The following FYB1 variants were observed in gnomAD, a reference collection of about 807,000 sequenced individuals.
FYB1 encodes the protein FYN binding protein 1.
A neutral mutation model predicts 94.1 loss-of-function variants in FYB1; 41 were observed. That is an observed-to-expected ratio of 0.44 (90% CI 0.34 to 0.57). The LOEUF (loss-of-function observed/expected upper bound fraction) is 0.57. FYB1 is among the 20% of genes least tolerant of loss of function. The pLI, the probability that FYB1 is intolerant of heterozygous loss-of-function variation, is 0.02. For synonymous variants in FYB1, 367 were observed against 353.2 expected (o/e 1.04, Z -0.44); for missense variants, 1,050 against 976.8 (o/e 1.07, Z -1.00).
At chr5:39,139,962 T>C (rs1178478445) in intron 4 of FYB1, 1 of 152,090 alleles carries the variant, frequency 6.6e-6, no homozygotes, top group Non-Finnish European at 1.5e-5. Flanking sequence ...GAAAACTGGC[T>C]CCATACATGA....
intron 2 of FYB1, among the ~76,000 whole-genome samples, chr5:39,166,049 A>G (rs1405269780): frequency 6.6e-6 from 1 of 152,242 alleles, no homozygotes; most frequent in African/African-American, 2.4e-5. Context: ...AAATTAGTAC[A>G]GCTTCTAGAG....
At chr5:39,268,095 A>G (rs1219536240) in intron 1 of FYB1, among the ~76,000 whole-genome samples, 1 of 152,214 alleles carries the variant, frequency 6.6e-6, no homozygotes. Context: ...AGTATATAAC[A>G]CTTATAAAAT....
At chr5:39,227,604 C>T (rs1407285346) in intron 1 of FYB1, among the ~76,000 whole-genome samples, 4 of 152,214 alleles carry the variant, frequency 2.6e-5, no homozygotes, top group Non-Finnish European at 5.9e-5. Context: ...AAAATATAAA[C>T]ACTAAAGTGA....
At chr5:39,225,941 C>A (rs1282557145) in intron 1 of FYB1, among the ~76,000 whole-genome samples, 2 of 150,696 alleles carry the variant, frequency 1.3e-5, no homozygotes, top group Non-Finnish European at 3.0e-5. Context: ...AAGTGTGCAC[C>A]AAGCCCACAG....
chr5:39,137,769 C>A lies in FYB1; in HGVS notation c.1395-49G>T, dbSNP rs116536682. 4.2e-4 allele frequency: 644 copies of A among 1,546,608 alleles called. 4 individuals are homozygous for A. In the African/African-American group the frequency reaches 8.4e-3, roughly 20 times the overall value. On this transcript the variant is annotated intron_variant, in intron 6 of 18. Transcript: ENST00000512982. ...GTTTTCACATCTGCAGGTGTTGATG[C>A]GTCGGAACTCCCTACCTAGAAGTTT...
At chr5:39,261,844 C>A (rs1413397279) in intron 1 of FYB1, among the ~76,000 whole-genome samples, 1 of 152,114 alleles carries the variant, frequency 6.6e-6, no homozygotes, top group East Asian at 1.9e-4. Context: ...GAAGCAGAGT[C>A]CCACAAAGAT....
rs550735879 is a variant in FYB1, at chr5:39,158,710, G to T, written c.1136-5106C>A. On this transcript the variant is annotated intron_variant, in intron 2 of 18. Transcript: ENST00000512982. ...ATGTTTGTGACTTTTGACTAAGAAG[G>T]TACCTAAAGTCTTCATGTCCCGAGG... Among the ~76,000 whole-genome samples, 304 of 152,220 alleles carry T rather than the reference G, an allele frequency of 2.0e-3. 1 individual carries two copies. The highest frequency in any genetic ancestry group is 6.8e-3 in the Middle Eastern group (2 of 294).
chr5:39,180,214 A>G (rs974021131), intron 2 of FYB1, among the ~76,000 whole-genome samples: 80 of 152,314 alleles, frequency 5.3e-4, no homozygotes, highest in Middle Eastern at 3.4e-3. Flanking sequence ...TAATATTTCT[A>G]TAATTTCCTT....
chr5:39,166,918 T>C (rs11960491), intron 2 of FYB1, among the ~76,000 whole-genome samples: 5,209 of 151,752 alleles, frequency 0.034, 301 homozygotes, highest in African/African-American at 0.12. Context: ...ACGGTATCCA[T>C]GAAAAAAAAC....
intron 3 of FYB1, among the ~76,000 whole-genome samples, chr5:39,145,720 G>T (rs1418714838): frequency 2.0e-5 from 3 of 151,828 alleles, no homozygotes; most frequent in Admixed American, 6.6e-5. Context: ...GATCAATCTT[G>T]CCCTGTAAAG....
At chr5:39,124,835 A>T (rs913831567) in intron 12 of FYB1, among the ~76,000 whole-genome samples, 3 of 151,862 alleles carry the variant, frequency 2.0e-5, no homozygotes, top group Admixed American at 6.6e-5. Flanking sequence ...AGTGCTCTGA[A>T]ATCAGAATTA....
chr5:39,153,392 T>G, intron 3 of FYB1, 56 bp downstream of exon 3: 1 of 1,592,684 alleles, frequency 6.3e-7, no homozygotes. Flanking sequence ...CAAGCACAGT[T>G]TGAAAATCTA....
At chr5:39,166,234 C>G (rs984995092) in intron 2 of FYB1, among the ~76,000 whole-genome samples, 1 of 152,162 alleles carries the variant, frequency 6.6e-6, no homozygotes, top group East Asian at 1.9e-4. Context: ...GTCAGGAGTT[C>G]AAGACCAGCC....
intron 1 of FYB1, among the ~76,000 whole-genome samples, chr5:39,259,620 A>T (rs1468639182): frequency 6.6e-6 from 1 of 152,250 alleles, no homozygotes; most frequent in East Asian, 1.9e-4. Context: ...AAAATCATCC[A>T]TGAAATATAC....
intron 1 of FYB1, among the ~76,000 whole-genome samples, chr5:39,270,258 A>G (rs1752619310): frequency 2.0e-5 from 3 of 152,182 alleles, no homozygotes; most frequent in Admixed American, 2.0e-4. Context: ...AAACTCGACT[A>G]AATTACTGGG....
At chr5:39,135,293 C>T (rs532800387) in intron 7 of FYB1, among the ~76,000 whole-genome samples, 1 of 152,276 alleles carries the variant, frequency 6.6e-6, no homozygotes, top group Admixed American at 6.5e-5. Context: ...AAGAGGCCTG[C>T]AAAGGCAGCC....
intron 2 of FYB1, among the ~76,000 whole-genome samples, chr5:39,195,650 A>G (rs1039126246): frequency 5.9e-5 from 9 of 152,212 alleles, no homozygotes; most frequent in Non-Finnish European, 1.0e-4. Context: ...TAACATATGG[A>G]AAAAATCAGT....
At chr5:39,174,936 C>A (rs766850806) in intron 2 of FYB1, among the ~76,000 whole-genome samples, 2 of 152,140 alleles carry the variant, frequency 1.3e-5, no homozygotes, top group Non-Finnish European at 2.9e-5. Context: ...CCTCTTCTCC[C>A]ATAGAGAAAC....
In FYB1 at chr5:39,110,362, G is replaced by A. The variant is rs746885510; in HGVS notation, c.2429C>T (p.Ala810Val). ...TAGAAGAAAATGGGCTTACTTGTCC[G>A]CTAGGTAACTCCGAAGGACATAACC... The part of the protein sequence containing the change: ...KYGYVLRSYL[A>V]DNDGEIYDDI... The change falls in exon 17 of 19, where the codon GCG becomes GTG. Residue 810 changes from alanine (A) to valine (V), a missense_variant. Physicochemically the swap from Ala to Val is moderately conservative, Grantham distance 64 (BLOSUM62 0). Coordinates refer to ENST00000512982, the MANE Select transcript of FYB1 (RefSeq NM_001465.6). 2.5e-5 allele frequency: 40 copies of A among 1,593,274 alleles called. No individual in the cohort carries two copies. The highest frequency in any genetic ancestry group is 8.0e-5 in the African/African-American group (6 of 74,592).
Sources: gnomAD v4.1 joint callset for allele counts (sites outside exome capture counted in the v4.1 genomes callset) on GRCh38, gnomAD v4.1.1 for gene constraint, MANE v1.5 for transcripts, NCBI Gene and HGNC (gene_info 2026-07-23, HGNC 2026-07-21) for gene names.